Variants in RAD54L2 observed in about 807,000 individuals in gnomAD.
RAD54L2 encodes the protein RAD54 like 2.
In RAD54L2, 27 loss-of-function variants were observed where a neutral mutation model predicts 138.4. The observed-to-expected ratio is 0.20, with a 90% CI of 0.14 to 0.27. The LOEUF (loss-of-function observed/expected upper bound fraction) is 0.27, where lower values mean the gene tolerates loss of function less well. Among genes scored for constraint, RAD54L2 ranks in the 10% least tolerant of loss-of-function variants. The probability of loss-of-function intolerance (pLI) is 1.00; values close to 1 mark genes in which losing one functional copy is unlikely to be tolerated. For synonymous variants in RAD54L2, 644 were observed against 723.2 expected (o/e 0.89, Z 1.76); for missense variants, 1,396 against 1,890.2 (o/e 0.74, Z 4.85).
intron 19 of RAD54L2, among the ~76,000 whole-genome samples, chr3:51,648,665 G>A (rs1701349832): frequency 6.6e-6 from 1 of 152,140 alleles, no homozygotes; most frequent in Admixed American, 6.5e-5. Context: ...AGGCAAACAG[G>A]GTTTGGAGTG....
intron 22 of RAD54L2, among the ~76,000 whole-genome samples, chr3:51,661,733 A>T (rs1701780495): frequency 6.6e-6 from 1 of 152,102 alleles, no homozygotes; most frequent in Admixed American, 6.5e-5. Flanking sequence ...GCACCCATAT[A>T]CCCTGCACCT....
At chr3:51,566,482 T>G (rs1474930485) in intron 2 of RAD54L2, among the ~76,000 whole-genome samples, 2 of 136,384 alleles carry the variant, frequency 1.5e-5, no homozygotes, top group East Asian at 2.2e-4. Flanking sequence ...TTTTTTTTTT[T>G]TTTTTTTTTT....
chr3:51,545,788 G>A (rs1448413233), intron 2 of RAD54L2, among the ~76,000 whole-genome samples: 2 of 151,666 alleles, frequency 1.3e-5, no homozygotes, highest in Admixed American at 1.3e-4. Context: ...ACTATGTTGC[G>A]CAGGCTGGTC....
intron 3 of RAD54L2, among the ~76,000 whole-genome samples, chr3:51,623,221 A>G (rs1488022940): frequency 6.6e-6 from 1 of 152,320 alleles, no homozygotes; most frequent in East Asian, 1.9e-4. Flanking sequence ...TGTGTAAGAA[A>G]CATTCATTTT....
intron 3 of RAD54L2, among the ~76,000 whole-genome samples, chr3:51,593,365 C>T (rs1354816566): frequency 6.7e-6 from 1 of 149,424 alleles, no homozygotes; most frequent in Non-Finnish European, 1.5e-5. Context: ...TGGAGTCTTG[C>T]TCTGTCGCCC....
At chr3:51,574,065 A>T (rs1265411003) in intron 2 of RAD54L2, among the ~76,000 whole-genome samples, 1 of 131,938 alleles carries the variant, frequency 7.6e-6, no homozygotes, top group Non-Finnish European at 1.5e-5. Context: ...CTCATTGTTC[A>T]GTTCCCACCC....
At position 51,538,805 on chromosome 3, in the gene RAD54L2, A is replaced by G. The variant is rs911445897; in HGVS notation, c.-227A>G. Among the ~76,000 whole-genome samples, 3 of 151,704 alleles carry G rather than the reference A, an allele frequency of 2.0e-5. No individual in the cohort carries two copies. The highest frequency in any genetic ancestry group is 4.4e-5 in the Non-Finnish European group (3 of 67,898). ...GGCCTGGCCGGCTGCTTCCCGCCTC[A>G]GCCGCCGCCCCCGCCTCCGCCGCCG... On this transcript the variant is annotated 5_prime_UTR_variant, in exon 1 of 23. Transcript: ENST00000684192.
At chr3:51,575,576 T>C (rs1402023754) in intron 2 of RAD54L2, among the ~76,000 whole-genome samples, 3 of 152,304 alleles carry the variant, frequency 2.0e-5, no homozygotes, top group East Asian at 3.9e-4. Context: ...CCCTTGTAAG[T>C]TGGATTCCTA....
rs1701932259 is a variant in RAD54L2 at position 51,667,386 on chromosome 3, G to C, written c.*3966G>C. On this transcript the variant is annotated 3_prime_UTR_variant, in exon 23 of 23. Transcript: ENST00000684192. ...TCACCACGTTGGCCAGGCTGGCCTTGAACTCCTGACCTCAAGTGATCCACC... is the reference window on the plus strand; with the variant it reads ...TCACCACGTTGGCCAGGCTGGCCTTCAACTCCTGACCTCAAGTGATCCACC... 1 of 152,226 alleles carries C rather than the reference G, an allele frequency of 6.6e-6. No homozygotes were observed. The highest frequency in any genetic ancestry group is 6.5e-5 in the Admixed American group (1 of 15,284). 9.4% of individuals were successfully genotyped at this position (152,226 alleles called of 1,614,324 possible).
At chr3:51,603,847 G>A (rs1008958634) in intron 3 of RAD54L2, among the ~76,000 whole-genome samples, 4 of 152,100 alleles carry the variant, frequency 2.6e-5, no homozygotes, top group Non-Finnish European at 5.9e-5. Context: ...TAGCCAGGTG[G>A]TTGTCTAGGG....
At position 51,666,174 on chromosome 3, in the gene RAD54L2, C is replaced by CTTTTTTTTTTTTTTTTTT. The variant is rs1169939947; in HGVS notation, c.*2772_*2789dup. On this transcript the variant is annotated 3_prime_UTR_variant, in exon 23 of 23. Coordinates refer to ENST00000684192, the MANE Select transcript of RAD54L2 (RefSeq NM_015106.4). ...AGTGCTACCAGGTCCATGGTTTTTGCTTTTTTTTTTTTTTTTTTTTTTTTT... is the reference window on the plus strand; with the variant it reads ...AGTGCTACCAGGTCCATGGTTTTTGCTTTTTTTTTTTTTTTTTTTTTTTTTTTTTTTTTTTTTTTTTTT... The CTTTTTTTTTTTTTTTTTT allele has an allele frequency of 6.8e-5, 4 of 58,708 alleles. 1 individual carries two copies. The highest frequency in any genetic ancestry group is 1.1e-4 in the Non-Finnish European group (4 of 36,318). 3.6% of individuals were successfully genotyped at this position (58,708 alleles called of 1,614,324 possible).
At chr3:51,589,354 G>A (rs1180900702) in intron 2 of RAD54L2, among the ~76,000 whole-genome samples, 1 of 152,078 alleles carries the variant, frequency 6.6e-6, no homozygotes, top group East Asian at 1.9e-4. Flanking sequence ...CTATGATTGT[G>A]CCTCTGCACT....
chr3:51,615,356 T>TTTGTATAAA (rs1215884718), intron 3 of RAD54L2, among the ~76,000 whole-genome samples: 3 of 152,226 alleles, frequency 2.0e-5, no homozygotes, highest in Non-Finnish European at 4.4e-5. Context: ...ATATATTGGC[T>TTTGTATAAA]TTGTATAACA....
chr3:51,566,807 A>G (rs1178781367), intron 2 of RAD54L2, among the ~76,000 whole-genome samples: 5 of 152,106 alleles, frequency 3.3e-5, no homozygotes, highest in Admixed American at 6.6e-5. Context: ...CCTAAGATGT[A>G]TCATTTGCCT....
rs903699416 is a variant in RAD54L2 at position 51,627,509 on chromosome 3, C to T, written c.140-44C>T. ...GTGTGTCTGTCATCCAGACTCATTC[C>T]CCCTCACCCCTATAAAGCAATGTCT... On this transcript the variant is annotated intron_variant, in intron 3 of 22. Coordinates refer to ENST00000684192, the MANE Select transcript of RAD54L2 (RefSeq NM_015106.4). The T allele has an allele frequency of 3.3e-6, 5 of 1,525,818 alleles. No individual in the cohort carries two copies. In the East Asian group the frequency reaches 9.8e-5, roughly 30 times the overall value. The allele number at this position is 1,525,818 out of a possible 1,614,324, so 94.5% of individuals were successfully genotyped here. A position where few individuals can be genotyped will look rare whatever the true frequency, so the allele number is the denominator to read the frequency against.
At chr3:51,560,249 T>A (rs1283377592) in intron 2 of RAD54L2, among the ~76,000 whole-genome samples, 1 of 152,214 alleles carries the variant, frequency 6.6e-6, no homozygotes, top group Non-Finnish European at 1.5e-5. Context: ...AGGCCCTGGT[T>A]AGGGAAACCT....
intron 3 of RAD54L2, among the ~76,000 whole-genome samples, chr3:51,604,658 T>C (rs1235357486): frequency 6.6e-6 from 1 of 152,230 alleles, no homozygotes; most frequent in African/African-American, 2.4e-5. Flanking sequence ...AATTAGTTTA[T>C]GTTCGCAAGG....
chr3:51,555,009 A>G (rs1246823956), intron 2 of RAD54L2, among the ~76,000 whole-genome samples: 1 of 151,934 alleles, frequency 6.6e-6, no homozygotes, highest in Non-Finnish European at 1.5e-5. Flanking sequence ...TGCCTGGCTA[A>G]TTTTTGTATT....
intron 3 of RAD54L2, among the ~76,000 whole-genome samples, chr3:51,624,273 C>T (rs1449262558): frequency 5.5e-5 from 8 of 145,968 alleles, no homozygotes. Context: ...TGCTCTGTTG[C>T]CCGGGCTGGA....
Sources: allele counts gnomAD v4.1 joint callset (sites outside exome capture counted in the v4.1 genomes callset), GRCh38; gene constraint gnomAD v4.1.1; transcripts MANE v1.5; gene names NCBI Gene and HGNC (gene_info 2026-07-23, HGNC 2026-07-21).